Variants in RASSF8 observed in about 807,000 individuals in gnomAD.
RASSF8 encodes Ras association domain family member 8, also known as ras association domain-containing protein 8.
RASSF8 carries 22 observed loss-of-function variants against 48.5 expected under a neutral mutation model. The ratio of observed to expected loss-of-function variants is 0.45; its 90% CI spans 0.32 to 0.65. The LOEUF is 0.65. RASSF8 is among the 30% of genes least tolerant of loss of function. The probability of loss-of-function intolerance (pLI) is 0.03; values close to 1 mark genes in which losing one functional copy is unlikely to be tolerated. For missense variants in RASSF8, 418 were observed against 489.2 expected, an observed-to-expected ratio of 0.85 and a Z score of 1.37; for synonymous variants, 127 against 171.5, an observed-to-expected ratio of 0.74 and a Z score of 2.03.
chr12:26,065,800 A>G (rs988656060), intron 4 of RASSF8, among the ~76,000 whole-genome samples: 14 of 152,184 alleles, frequency 9.2e-5, no homozygotes, highest in African/African-American at 3.1e-4. Context: ...CTTTCCTGAC[A>G]CATAAACAGC....
At chr12:25,982,605 A>G (rs1298121001) in intron 1 of RASSF8, among the ~76,000 whole-genome samples, 1 of 152,230 alleles carries the variant, frequency 6.6e-6, no homozygotes, top group African/African-American at 2.4e-5. Flanking sequence ...CAGAGAGATA[A>G]GGGGAACACC....
chr12:25,963,116 T>G (rs1349101631), intron 1 of RASSF8, among the ~76,000 whole-genome samples: 1 of 152,098 alleles, frequency 6.6e-6, no homozygotes, highest in Admixed American at 6.6e-5. Context: ...AAAGGAAGAT[T>G]GGGAAAACTT....
At chr12:26,003,776 A>T (rs777679291) in intron 2 of RASSF8, among the ~76,000 whole-genome samples, 1 of 152,170 alleles carries the variant, frequency 6.6e-6, no homozygotes, top group Non-Finnish European at 1.5e-5. Context: ...TATATAGATT[A>T]TATTTTTAAA....
At chr12:26,024,775 T>G (rs1942867491) in intron 2 of RASSF8, among the ~76,000 whole-genome samples, 3 of 152,016 alleles carry the variant, frequency 2.0e-5, no homozygotes. Context: ...GCTAACATGG[T>G]GAAACCTTGT....
At chr12:26,026,687 C>T (rs1028918539) in intron 2 of RASSF8, among the ~76,000 whole-genome samples, 4 of 152,098 alleles carry the variant, frequency 2.6e-5, no homozygotes, top group East Asian at 1.9e-4. Context: ...CCGCCCACCT[C>T]GGCCCCCCAA....
intron 1 of RASSF8, among the ~76,000 whole-genome samples, chr12:25,986,543 C>T (rs1941879688): frequency 6.6e-6 from 1 of 152,162 alleles, no homozygotes. Flanking sequence ...TCTCTGTGCC[C>T]TTTTGAGGCC....
At chr12:25,975,944 C>G (rs558524279) in intron 1 of RASSF8, among the ~76,000 whole-genome samples, 21 of 152,240 alleles carry the variant, frequency 1.4e-4, no homozygotes, top group Admixed American at 3.9e-4. Context: ...TAGACTCAGT[C>G]AGCTTGGGAT....
At chr12:25,978,764 G>A (rs1025020801) in intron 1 of RASSF8, among the ~76,000 whole-genome samples, 9 of 151,892 alleles carry the variant, frequency 5.9e-5, no homozygotes, top group African/African-American at 1.9e-4. Flanking sequence ...TTTATGAGGT[G>A]CCTATTTCCC....
At chr12:26,073,272 A>G (rs965768678), downstream of RASSF8, among the ~76,000 whole-genome samples, 1 of 152,206 alleles carries the variant, frequency 6.6e-6, no homozygotes, top group South Asian at 2.1e-4. Context: ...CTGACATAGC[A>G]TTTGAACTTA....
intron 2 of RASSF8, among the ~76,000 whole-genome samples, chr12:26,039,759 C>T (rs1943225523): frequency 6.6e-6 from 1 of 152,118 alleles, no homozygotes; most frequent in South Asian, 2.1e-4. Flanking sequence ...CACCCTGTGA[C>T]CTGGGAGTTG....
intron 2 of RASSF8, among the ~76,000 whole-genome samples, chr12:26,046,051 G>A (rs558844612): frequency 6.6e-6 from 1 of 152,268 alleles, no homozygotes; most frequent in South Asian, 2.1e-4. Context: ...TCAGACTGGA[G>A]CTCTATTCCT....
At position 26,038,179 on chromosome 12, in the gene RASSF8, T is replaced by C. The variant is rs550055911; in HGVS notation, c.-108-17057T>C. Among the ~76,000 whole-genome samples, 3 of 152,344 alleles carry C rather than the reference T, an allele frequency of 2.0e-5. No homozygotes were observed. The East Asian group carries it at 5.8e-4, about 29-fold the overall frequency. ...AAAATAGTTTGCTCTCAGACCCTAC[T>C]GTTTTGTACTTTTATTCTTAGAGTG... On this transcript the variant is annotated intron_variant, in intron 2 of 5. Coordinates refer to ENST00000689635, the MANE Select transcript of RASSF8 (RefSeq NM_001394098.1).
rs1321631241 is a variant in RASSF8, at chr12:26,067,637, G to A, written c.1062G>A (p.Gln354=). The change falls in exon 5 of 6, where the codon CAG becomes CAA. Residue 354 remains glutamine (Q), a synonymous_variant. Coordinates refer to ENST00000689635, the MANE Select transcript of RASSF8 (RefSeq NM_001394098.1). ...LRQVNLQQFI[Q]QTGTKVTVLP... is the part of the protein sequence containing the mutation. Reference sequence around the variant, plus strand: ...AAGTCAATCTCCAGCAGTTCATCCAGCAGACAGGGACAAAAGTTACCGTTT... The same window carrying A: ...AAGTCAATCTCCAGCAGTTCATCCAACAGACAGGGACAAAAGTTACCGTTT... 1 of 1,614,078 alleles carries A rather than the reference G, an allele frequency of 6.2e-7. No individual in the cohort carries two copies. Among genetic ancestry groups the A allele is most frequent in the Non-Finnish European group, 8.5e-7 (1 of 1,179,980 alleles).
chr12:26,010,449 C>T (rs905310879), intron 2 of RASSF8, among the ~76,000 whole-genome samples: 1 of 152,132 alleles, frequency 6.6e-6, no homozygotes, highest in Non-Finnish European at 1.5e-5. Context: ...GTCATGCAGG[C>T]CCAGTGCCAG....
At chr12:25,992,130 C>T (rs567948185) in intron 1 of RASSF8, among the ~76,000 whole-genome samples, 1 of 152,306 alleles carries the variant, frequency 6.6e-6, no homozygotes, top group South Asian at 2.1e-4. Context: ...TGAGGATAAG[C>T]TCAGAACCAC....
chr12:25,985,290 C>G (rs1941846480), intron 1 of RASSF8, among the ~76,000 whole-genome samples: 1 of 152,132 alleles, frequency 6.6e-6, no homozygotes, highest in Non-Finnish European at 1.5e-5. Context: ...CATGTTGTTA[C>G]TGTATTATAC....
chr12:25,960,916 T>G (rs1941217756), intron 1 of RASSF8, among the ~76,000 whole-genome samples: 1 of 152,218 alleles, frequency 6.6e-6, no homozygotes, highest in Non-Finnish European at 1.5e-5. Context: ...GTGTTTAAGT[T>G]GTTTATAGGA....
chr12:25,994,707 A>T (rs531322406), intron 1 of RASSF8, among the ~76,000 whole-genome samples: 1 of 152,344 alleles, frequency 6.6e-6, no homozygotes, highest in South Asian at 2.1e-4. Flanking sequence ...TATCACAGGG[A>T]GCTGGGGTCA....
intron 2 of RASSF8, among the ~76,000 whole-genome samples, chr12:25,996,122 A>G (rs529643153): frequency 6.6e-6 from 1 of 152,332 alleles, no homozygotes; most frequent in South Asian, 2.1e-4. Context: ...CAGCATTAGC[A>G]AAAACCATGA....
Sources: gnomAD v4.1 joint callset for allele counts (sites outside exome capture counted in the v4.1 genomes callset) on GRCh38, gnomAD v4.1.1 for gene constraint, MANE v1.5 for transcripts, NCBI Gene and HGNC (gene_info 2026-07-23, HGNC 2026-07-21) for gene names.